WWOX: variants seen among roughly 807,000 people sequenced by gnomAD.
The protein encoded by WWOX is WW domain containing oxidoreductase.
Under a neutral mutation model 46.2 loss-of-function variants are expected in WWOX, and 69 were observed. The ratio of observed to expected loss-of-function variants is 1.49; its 90% CI spans 1.23 to 1.82. The LOEUF is 1.82. Among genes scored for constraint, WWOX ranks in the 40% most tolerant of loss-of-function variants. The probability of loss-of-function intolerance (pLI) is 0.00; values close to 1 mark genes in which losing one functional copy is unlikely to be tolerated. For missense variants in WWOX, 919 were observed against 542.6 expected, an observed-to-expected ratio of 1.69 and a Z score of -6.89; for synonymous variants, 359 against 202.6, an observed-to-expected ratio of 1.77 and a Z score of -6.56.
At chr16:79,055,081 A>G (rs9319533) in intron 8 of WWOX, among the ~76,000 whole-genome samples, 9,136 of 152,250 alleles carry the variant, frequency 0.06, 853 homozygotes, top group African/African-American at 0.2. Flanking sequence ...ATGTTCAATA[A>G]TAGCCAGTGA....
intron 8 of WWOX, chr16:78,496,092 C>T (rs1031441516): frequency 6.6e-6 from 1 of 152,086 alleles, no homozygotes; most frequent in Non-Finnish European, 1.5e-5. Context: ...TATTTTTCCA[C>T]CTGGTACTAT....
At chr16:78,613,989 C>G (rs1026850291) in intron 8 of WWOX, among the ~76,000 whole-genome samples, 1 of 152,164 alleles carries the variant, frequency 6.6e-6, no homozygotes, top group Non-Finnish European at 1.5e-5. Flanking sequence ...GTTGGCAGAG[C>G]TCAGTAGTCA....
chr16:78,321,671 G>A (rs1364559223), intron 5 of WWOX, among the ~76,000 whole-genome samples: 1 of 152,080 alleles, frequency 6.6e-6, no homozygotes, highest in Non-Finnish European at 1.5e-5. Flanking sequence ...CAGAGTGCAT[G>A]GAAAAGTAAA....
chr16:78,565,040 G>A (rs890008443), intron 8 of WWOX, among the ~76,000 whole-genome samples: 2 of 152,120 alleles, frequency 1.3e-5, no homozygotes, highest in African/African-American at 4.8e-5. Flanking sequence ...GTACAAGCAG[G>A]TTCTTGAACT....
At chr16:78,255,923 A>G (rs369934657) in intron 5 of WWOX, among the ~76,000 whole-genome samples, 2 of 152,056 alleles carry the variant, frequency 1.3e-5, no homozygotes, top group South Asian at 2.1e-4. Flanking sequence ...AGGCTGAGGT[A>G]GGTGGATCAC....
chr16:78,143,058 A>T (rs1318372364), intron 4 of WWOX, among the ~76,000 whole-genome samples: 1 of 152,238 alleles, frequency 6.6e-6, no homozygotes, highest in East Asian at 1.9e-4. Context: ...TGTAGTTTAT[A>T]GTTAAACATC....
At chr16:78,571,582 C>A (rs1228931777) in intron 8 of WWOX, among the ~76,000 whole-genome samples, 1 of 152,150 alleles carries the variant, frequency 6.6e-6, no homozygotes, top group Non-Finnish European at 1.5e-5. Context: ...AGAGGCGTTG[C>A]AGTTGGCTGG....
At chr16:78,541,473 CAAAAAAAAAAAAAAA>C (rs59900108) in intron 8 of WWOX, among the ~76,000 whole-genome samples, 104 of 45,180 alleles carry the variant, frequency 2.3e-3, no homozygotes, top group African/African-American at 8.6e-3. Context: ...GACTCCGTCT[CAAAAAAAAAAAAAAA>C]AAAAAAAAAA....
intron 8 of WWOX, among the ~76,000 whole-genome samples, chr16:78,723,396 C>T (rs956036400): frequency 1.3e-5 from 2 of 151,990 alleles, no homozygotes; most frequent in African/African-American, 2.4e-5. Flanking sequence ...GGCGGAGTGA[C>T]CACAAGATGC....
chr16:78,904,798 T>C (rs374238971), intron 8 of WWOX, among the ~76,000 whole-genome samples: 1 of 152,232 alleles, frequency 6.6e-6, no homozygotes, highest in Non-Finnish European at 1.5e-5. Flanking sequence ...CTTCTTTTTA[T>C]CAACACTTAG....
At chr16:78,634,829 AGAGAGAGAGTGTGTGTGT>A (rs1597376564) in intron 8 of WWOX, among the ~76,000 whole-genome samples, 2 of 112,300 alleles carry the variant, frequency 1.8e-5, no homozygotes, top group African/African-American at 3.7e-5. Context: ...AGAGAGAGAG[AGAGAGAGAGTGTGTGTGT>A]GTGTGTGTGT....
At chr16:79,204,744 G>A (rs1038141851) in intron 8 of WWOX, 1 of 152,146 alleles carries the variant, frequency 6.6e-6, no homozygotes, top group African/African-American at 2.4e-5. Flanking sequence ...GAACAAACAT[G>A]GCTTTGGACG....
chr16:78,800,641 A>T (rs78224522), intron 8 of WWOX, among the ~76,000 whole-genome samples: 4 of 152,288 alleles, frequency 2.6e-5, no homozygotes, highest in Non-Finnish European at 5.9e-5. Flanking sequence ...CTGACGGCCA[A>T]AGGGGAAGCT....
At chr16:79,087,590 G>C (rs1237761379) in intron 8 of WWOX, among the ~76,000 whole-genome samples, 2 of 152,186 alleles carry the variant, frequency 1.3e-5, no homozygotes, top group Non-Finnish European at 2.9e-5. Flanking sequence ...GAAGTCCTGA[G>C]CACTGGGGAG....
chr16:79,096,712 G>A lies in WWOX; in HGVS notation c.1057-114896G>A, dbSNP rs143988765. On this transcript the variant is annotated intron_variant, in intron 8 of 8. Coordinates refer to ENST00000566780, the MANE Select transcript of WWOX (RefSeq NM_016373.4). Reference sequence around the variant, plus strand: ...ATTTTGCTTTCTCCCCGCTCTTTGAGAATGCTGGCTCCAACAGGGCAGGTA... The same window carrying A: ...ATTTTGCTTTCTCCCCGCTCTTTGAAAATGCTGGCTCCAACAGGGCAGGTA... Among the ~76,000 whole-genome samples the A allele has an allele frequency of 7.4e-4, 112 of 152,262 alleles. 1 individual carries two copies. The Middle Eastern group carries it at 0.01, about 14-fold the overall frequency.
At chr16:79,061,514 T>C (rs1331049202) in intron 8 of WWOX, among the ~76,000 whole-genome samples, 2 of 152,208 alleles carry the variant, frequency 1.3e-5, no homozygotes, top group African/African-American at 4.8e-5. Flanking sequence ...GGGATACCCA[T>C]TCAACAATTA....
At chr16:78,903,703 C>T (rs987885910) in intron 8 of WWOX, among the ~76,000 whole-genome samples, 4 of 152,198 alleles carry the variant, frequency 2.6e-5, no homozygotes, top group African/African-American at 7.2e-5. Context: ...CTGGACACTT[C>T]GCTCTAGGCA....
intron 8 of WWOX, among the ~76,000 whole-genome samples, chr16:78,505,536 C>T (rs1270904152): frequency 6.6e-6 from 1 of 152,218 alleles, no homozygotes; most frequent in South Asian, 2.1e-4. Context: ...GATACCTAGA[C>T]TCTGCTGGGC....
intron 8 of WWOX, among the ~76,000 whole-genome samples, chr16:78,794,279 C>G (rs1334957215): frequency 1.3e-5 from 2 of 152,170 alleles, no homozygotes; most frequent in East Asian, 1.9e-4. Flanking sequence ...TGATCTTGGA[C>G]TTCCCAGCTT....
Sources: allele counts gnomAD v4.1 joint callset (sites outside exome capture counted in the v4.1 genomes callset), GRCh38; gene constraint gnomAD v4.1.1; transcripts MANE v1.5; gene names NCBI Gene and HGNC (gene_info 2026-07-23, HGNC 2026-07-21).